The following DLGAP2 variants were observed in gnomAD, a reference collection of about 807,000 sequenced individuals.
The protein encoded by DLGAP2 is DLG associated protein 2, also known as disks large-associated protein 2.
Under a neutral mutation model 100.3 loss-of-function variants are expected in DLGAP2, and 26 were observed. The observed-to-expected ratio is 0.26, with a 90% CI of 0.19 to 0.36. DLGAP2 has a LOEUF of 0.36. DLGAP2 is among the 10% of genes least tolerant of loss of function. The pLI is 1.00. For synonymous variants in DLGAP2, 886 were observed against 630.1 expected (o/e 1.41, Z -6.08); for missense variants, 1,858 against 1,453.2 (o/e 1.28, Z -4.53).
intron 1 of DLGAP2, among the ~76,000 whole-genome samples, chr8:755,462 G>GA (rs1002949564): frequency 5.3e-5 from 8 of 151,816 alleles, no homozygotes; most frequent in South Asian, 2.1e-4. Flanking sequence ...GTCTCAAAAA[G>GA]AAAAAAAATT....
At chr8:1,181,589 G>A (rs566055949) in intron 2 of DLGAP2, among the ~76,000 whole-genome samples, 62 of 152,032 alleles carry the variant, frequency 4.1e-4, no homozygotes, top group African/African-American at 1.4e-3. Context: ...ATGGGTACTA[G>A]GCTTAATACC....
intron 1 of DLGAP2, among the ~76,000 whole-genome samples, chr8:835,774 T>G (rs951510147): frequency 6.6e-6 from 1 of 152,194 alleles, no homozygotes; most frequent in Non-Finnish European, 1.5e-5. Context: ...AATTTACAGT[T>G]AATTCAGGCT....
At chr8:999,820 C>T (rs1311496617) in intron 2 of DLGAP2, among the ~76,000 whole-genome samples, 1 of 152,212 alleles carries the variant, frequency 6.6e-6, no homozygotes, top group Non-Finnish European at 1.5e-5. Flanking sequence ...CTTTCCTGTG[C>T]AATTTCTTTT....
chr8:749,031 T>A (rs946016391), intron 1 of DLGAP2, among the ~76,000 whole-genome samples: 3 of 152,212 alleles, frequency 2.0e-5, no homozygotes, highest in African/African-American at 4.8e-5. Flanking sequence ...GAGGGGGCCT[T>A]GCTTGTTACC....
chr8:836,853 C>T (rs1796887713), intron 1 of DLGAP2, among the ~76,000 whole-genome samples: 2 of 152,358 alleles, frequency 1.3e-5, no homozygotes, highest in Middle Eastern at 6.8e-3. Flanking sequence ...CCAGACTCTG[C>T]GCTCGTCTCC....
intron 2 of DLGAP2, among the ~76,000 whole-genome samples, chr8:1,184,913 G>A (rs1173304997): frequency 6.6e-6 from 1 of 152,174 alleles, no homozygotes; most frequent in Admixed American, 6.5e-5. Flanking sequence ...TGACTCACTT[G>A]CCCCAAATCA....
intron 2 of DLGAP2, among the ~76,000 whole-genome samples, chr8:1,042,441 T>C (rs922039094): frequency 1.3e-5 from 2 of 152,210 alleles, no homozygotes; most frequent in African/African-American, 2.4e-5. Flanking sequence ...TCACTTGTTA[T>C]CTTGTAAACG....
At chr8:1,211,985 G>A (rs1798115239) in intron 2 of DLGAP2, among the ~76,000 whole-genome samples, 1 of 152,242 alleles carries the variant, frequency 6.6e-6, no homozygotes, top group Non-Finnish European at 1.5e-5. Context: ...CTGGCGCTGT[G>A]GAAACACAAG....
chr8:1,533,860 G>A (rs1330448609), intron 4 of DLGAP2, among the ~76,000 whole-genome samples: 2 of 152,270 alleles, frequency 1.3e-5, no homozygotes, highest in East Asian at 3.9e-4. Context: ...AGGAGGCTGA[G>A]GTGGGAGGAT....
At chr8:956,512 G>A (rs958951057) in intron 2 of DLGAP2, among the ~76,000 whole-genome samples, 10 of 152,148 alleles carry the variant, frequency 6.6e-5, no homozygotes, top group Admixed American at 5.2e-4. Context: ...GCATGACAGG[G>A]GCCACAGCCC....
intron 2 of DLGAP2, among the ~76,000 whole-genome samples, chr8:935,958 G>T (rs1799060824): frequency 6.6e-6 from 1 of 152,176 alleles, no homozygotes; most frequent in Admixed American, 6.5e-5. Context: ...AACAATGATT[G>T]TTTCTAGGAA....
chr8:1,144,231 G>T (rs566396162), intron 2 of DLGAP2, among the ~76,000 whole-genome samples: 1 of 152,356 alleles, frequency 6.6e-6, no homozygotes, highest in East Asian at 1.9e-4. Context: ...GGAAGATAAT[G>T]AATATAAACT....
At chr8:1,413,809 C>T (rs1037369706) in intron 3 of DLGAP2, among the ~76,000 whole-genome samples, 2 of 152,252 alleles carry the variant, frequency 1.3e-5, no homozygotes, top group Admixed American at 1.3e-4. Context: ...AGTGCACACA[C>T]GCCTGCCAGG....
At chr8:1,356,684 G>A (rs1473020292) in intron 3 of DLGAP2, among the ~76,000 whole-genome samples, 1 of 152,236 alleles carries the variant, frequency 6.6e-6, no homozygotes, top group Admixed American at 6.5e-5. Flanking sequence ...GTGAGTATGA[G>A]CAAACGATCA....
chr8:1,464,892 CA>C (rs199500703), intron 3 of DLGAP2, among the ~76,000 whole-genome samples: 7 of 150,742 alleles, frequency 4.6e-5, no homozygotes, highest in African/African-American at 7.3e-5. Flanking sequence ...TCACTCTTCA[CA>C]AAAAAAAAGT....
At chr8:1,274,260 C>A (rs145891787) in intron 3 of DLGAP2, among the ~76,000 whole-genome samples, 2,878 of 151,892 alleles carry the variant, frequency 0.019, 38 homozygotes, top group South Asian at 0.061. Context: ...TCTTCCCCAC[C>A]CACCATAAGT....
At chr8:1,411,228 TTA>T (rs1320731326) in intron 3 of DLGAP2, among the ~76,000 whole-genome samples, 3 of 151,982 alleles carry the variant, frequency 2.0e-5, no homozygotes, top group Admixed American at 2.0e-4. Flanking sequence ...AAATGAATGT[TTA>T]TATATATTGT....
chr8:1,287,334 C>T (rs1307976403), intron 3 of DLGAP2, among the ~76,000 whole-genome samples: 31 of 83,500 alleles, frequency 3.7e-4, no homozygotes, highest in Admixed American at 4.5e-4. Flanking sequence ...TGTGTGTGTG[C>T]GTGGTTCTGT....
At chr8:1,162,435 G>T (rs1254356491) in intron 2 of DLGAP2, among the ~76,000 whole-genome samples, 1 of 152,320 alleles carries the variant, frequency 6.6e-6, no homozygotes, top group East Asian at 1.9e-4. Flanking sequence ...AGTTAAAGCA[G>T]TCTGTTTCTA....
Sources: gnomAD v4.1 joint callset for allele counts (sites outside exome capture counted in the v4.1 genomes callset) on GRCh38, gnomAD v4.1.1 for gene constraint, MANE v1.5 for transcripts, NCBI Gene and HGNC (gene_info 2026-07-23, HGNC 2026-07-21) for gene names.